The following SIPA1L1 variants were observed in gnomAD, a reference collection of about 807,000 sequenced individuals.
SIPA1L1 encodes signal-induced proliferation-associated 1-like protein 1.
SIPA1L1 carries 26 observed loss-of-function variants against 162.7 expected under a neutral mutation model. The observed-to-expected ratio is 0.16, with a 90% CI of 0.12 to 0.22. The LOEUF is 0.22. SIPA1L1 is among the 10% of genes least tolerant of loss of function. The pLI is 1.00. For synonymous variants in SIPA1L1, 829 were observed against 837.4 expected (o/e 0.99, Z 0.17); for missense variants, 1,874 against 2,241.0 (o/e 0.84, Z 3.31).
At chr14:71,527,180 G>A (rs1003082588) in intron 3 of SIPA1L1, among the ~76,000 whole-genome samples, 1 of 152,070 alleles carries the variant, frequency 6.6e-6, no homozygotes, top group African/African-American at 2.4e-5. Context: ...CCCTAGGACA[G>A]AGTCTTGCTC....
chr14:71,572,763 T>C (rs1454185380), intron 4 of SIPA1L1, among the ~76,000 whole-genome samples: 1 of 152,176 alleles, frequency 6.6e-6, no homozygotes, highest in East Asian at 1.9e-4. Context: ...AAATTAAGCG[T>C]AGGTATATAG....
Position 71,526,947 on chromosome 14 carries a change from C to T in SIPA1L1, c.-361-2365C>T, listed in dbSNP as rs139365763. Among the ~76,000 whole-genome samples, 8 of 152,218 alleles carry T rather than the reference C, an allele frequency of 5.3e-5. No homozygotes were observed. The East Asian group carries it at 1.3e-3, about 26-fold the overall frequency. On this transcript the variant is annotated intron_variant, in intron 3 of 23. Transcript: ENST00000381232. ...TATTGGATGCTGCCAAACAGCTTTA[C>T]GGTTTGTATTCCCATCAGCATTGTG...
intron 2 of SIPA1L1, among the ~76,000 whole-genome samples, chr14:71,458,702 C>T (rs898510906): frequency 2.6e-5 from 4 of 152,142 alleles, no homozygotes; most frequent in Admixed American, 2.6e-4. Flanking sequence ...CTGCCAGAGT[C>T]ACCCCTTATT....
intron 3 of SIPA1L1, among the ~76,000 whole-genome samples, chr14:71,525,516 TTTTC>T (rs766040726): frequency 1.3e-5 from 2 of 152,222 alleles, no homozygotes; most frequent in Non-Finnish European, 2.9e-5. Context: ...TTTCACCTTC[TTTTC>T]TTTATTTCTT....
chr14:71,519,453 A>G (rs534608997), intron 3 of SIPA1L1, among the ~76,000 whole-genome samples: 13 of 152,256 alleles, frequency 8.5e-5, no homozygotes, highest in African/African-American at 3.1e-4. Flanking sequence ...CCTAATCTTG[A>G]TTTCTAAATA....
intron 12 of SIPA1L1, among the ~76,000 whole-genome samples, chr14:71,677,114 T>A (rs1314855162): frequency 6.6e-6 from 1 of 152,246 alleles, no homozygotes; most frequent in Non-Finnish European, 1.5e-5. Context: ...TTCCTATTTC[T>A]CCACATCCTC....
At chr14:71,415,019 A>T (rs1431084520) in intron 2 of SIPA1L1, among the ~76,000 whole-genome samples, 1 of 152,188 alleles carries the variant, frequency 6.6e-6, no homozygotes, top group Non-Finnish European at 1.5e-5. Flanking sequence ...CTTAACCTTG[A>T]TCTCAGCCAG....
intron 2 of SIPA1L1, among the ~76,000 whole-genome samples, chr14:71,323,410 A>G (rs2033373216): frequency 6.6e-6 from 1 of 152,192 alleles, no homozygotes; most frequent in Non-Finnish European, 1.5e-5. Context: ...AAAGTTTGTC[A>G]TGATTAATAA....
intron 2 of SIPA1L1, among the ~76,000 whole-genome samples, chr14:71,468,040 GTGTGTGTCTGTC>G (rs1030702062): frequency 2.0e-5 from 3 of 150,784 alleles, no homozygotes; most frequent in Non-Finnish European, 4.4e-5. Context: ...GTGTGTGTGT[GTGTGTGTCTGTC>G]TGTGTCTGTC....
intron 10 of SIPA1L1, among the ~76,000 whole-genome samples, chr14:71,662,385 G>A (rs142909216): frequency 2.0e-5 from 3 of 152,300 alleles, no homozygotes; most frequent in African/African-American, 7.2e-5. Context: ...TAACTGCATT[G>A]GTTGAGCTCT....
rs368546503 is a variant in SIPA1L1, at chr14:71,709,213, C to T, written c.3766-9C>T. On this transcript the variant is annotated splice_polypyrimidine_tract_variant and intron_variant, in intron 16 of 23. Transcript: ENST00000381232. The stretch of plus-strand genomic sequence containing the variant: ...CTTTGCACTCAAATAAATTCTGCTT[C>T]TCTTGCAGTCTGATAGCCACTACTC... 1.3e-6 allele frequency: 2 copies of T among 1,598,446 alleles called. No homozygotes were observed. Among genetic ancestry groups the T allele is most frequent in the Non-Finnish European group, 8.5e-7 (1 of 1,170,720 alleles).
intron 3 of SIPA1L1, among the ~76,000 whole-genome samples, chr14:71,524,982 C>G (rs2052717503): frequency 6.6e-6 from 1 of 152,000 alleles, no homozygotes; most frequent in Non-Finnish European, 1.5e-5. Context: ...TTGCCTTTTA[C>G]TCTCCCTACA....
intron 4 of SIPA1L1, among the ~76,000 whole-genome samples, chr14:71,567,168 A>G (rs1237410593): frequency 1.3e-5 from 2 of 152,200 alleles, no homozygotes; most frequent in Non-Finnish European, 2.9e-5. Flanking sequence ...TATGAGTTGT[A>G]AAATTGTTAC....
chr14:71,688,076 C>A (rs548396279), intron 13 of SIPA1L1, among the ~76,000 whole-genome samples: 1 of 152,080 alleles, frequency 6.6e-6, no homozygotes, highest in Non-Finnish European at 1.5e-5. Flanking sequence ...GGATATTCTT[C>A]TTTTATGAAA....
intron 7 of SIPA1L1, among the ~76,000 whole-genome samples, chr14:71,646,527 G>A (rs916057400): frequency 6.6e-6 from 1 of 152,206 alleles, no homozygotes; most frequent in African/African-American, 2.4e-5. Context: ...GCAAATTTAT[G>A]TACTGTTGTT....
At chr14:71,596,869 A>G (rs541322056) in intron 5 of SIPA1L1, among the ~76,000 whole-genome samples, 1 of 152,110 alleles carries the variant, frequency 6.6e-6, no homozygotes, top group African/African-American at 2.4e-5. Context: ...TGTACTCATC[A>G]ATTTCATCTT....
intron 2 of SIPA1L1, among the ~76,000 whole-genome samples, chr14:71,398,140 C>A (rs1162474930): frequency 6.6e-6 from 1 of 151,692 alleles, no homozygotes; most frequent in African/African-American, 2.4e-5. Flanking sequence ...CTCAGCCTCC[C>A]GAATGGCTGG....
chr14:71,403,440 A>G (rs1417537563), intron 2 of SIPA1L1, among the ~76,000 whole-genome samples: 1 of 151,996 alleles, frequency 6.6e-6, no homozygotes, highest in Non-Finnish European at 1.5e-5. Flanking sequence ...TCTACTAAAA[A>G]TACAAAAAAA....
intron 3 of SIPA1L1, among the ~76,000 whole-genome samples, chr14:71,526,307 A>C (rs914725362): frequency 2.0e-5 from 3 of 152,186 alleles, no homozygotes; most frequent in Non-Finnish European, 2.9e-5. Flanking sequence ...ATCTAATATT[A>C]TTAGCCCACC....
Sources: gnomAD v4.1 joint callset for allele counts (sites outside exome capture counted in the v4.1 genomes callset) on GRCh38, gnomAD v4.1.1 for gene constraint, MANE v1.5 for transcripts, NCBI Gene and HGNC (gene_info 2026-07-23, HGNC 2026-07-21) for gene names.